Variants in CSGALNACT1 observed in about 807,000 individuals in gnomAD.
CSGALNACT1 encodes beta4GalNAcT-1.
A neutral mutation model predicts 51.0 loss-of-function variants in CSGALNACT1; 52 were observed. The observed-to-expected ratio is 1.02, with a 90% CI of 0.82 to 1.29. The LOEUF (loss-of-function observed/expected upper bound fraction) is 1.29, where lower values mean the gene tolerates loss of function less well. Among genes scored for constraint, CSGALNACT1 ranks in the 50% most tolerant of loss-of-function variants. CSGALNACT1 has a pLI of 0.00. For synonymous variants in CSGALNACT1, 341 were observed against 254.4 expected (o/e 1.34, Z -3.24); for missense variants, 935 against 679.2 (o/e 1.38, Z -4.19).
intron 6 of CSGALNACT1, among the ~76,000 whole-genome samples, chr8:19,425,980 C>T (rs1563331394): frequency 6.6e-6 from 1 of 152,218 alleles, no homozygotes; most frequent in Non-Finnish European, 1.5e-5. Flanking sequence ...CTCTGTCCCT[C>T]TGTGTCCTGG....
chr8:19,692,478 A>C (rs2061383338), intron 1 of CSGALNACT1, among the ~76,000 whole-genome samples: 1 of 152,150 alleles, frequency 6.6e-6, no homozygotes, highest in African/African-American at 2.4e-5. Context: ...GGTAAGGGAG[A>C]TAGATGGTGA....
chr8:19,468,281 C>T (rs866936849), intron 4 of CSGALNACT1, among the ~76,000 whole-genome samples: 1 of 152,082 alleles, frequency 6.6e-6, no homozygotes, highest in East Asian at 1.9e-4. Context: ...TAAGAAAAAC[C>T]AGCTTGTTAT....
intron 8 of CSGALNACT1, among the ~76,000 whole-genome samples, chr8:19,410,299 A>G (rs542001877): frequency 2.0e-5 from 3 of 152,312 alleles, no homozygotes; most frequent in Non-Finnish European, 2.9e-5. Context: ...ATTAGTATCA[A>G]CTGGAAAGAT....
chr8:19,733,894 T>G (rs537918968), intron 1 of CSGALNACT1, among the ~76,000 whole-genome samples: 1 of 152,230 alleles, frequency 6.6e-6, no homozygotes, highest in South Asian at 2.1e-4. Flanking sequence ...ACAGCTTATC[T>G]CCAGCTTAGA....
chr8:19,717,717 T>C (rs1351567968), intron 1 of CSGALNACT1, among the ~76,000 whole-genome samples: 1 of 152,188 alleles, frequency 6.6e-6, no homozygotes, highest in Non-Finnish European at 1.5e-5. Context: ...AGCTTGGTTG[T>C]CCAGTGACTG....
chr8:19,482,633 A>T (rs1318389123), intron 4 of CSGALNACT1, among the ~76,000 whole-genome samples: 1 of 152,108 alleles, frequency 6.6e-6, no homozygotes, highest in South Asian at 2.1e-4. Context: ...CTGTTCCTTT[A>T]TAATTTCCAT....
intron 1 of CSGALNACT1, among the ~76,000 whole-genome samples, chr8:19,671,927 T>A (rs917693871): frequency 1.3e-5 from 2 of 152,252 alleles, no homozygotes; most frequent in Non-Finnish European, 2.9e-5. Context: ...CTCATGAATG[T>A]ACCACATATG....
At chr8:19,424,557 G>T (rs1163455647) in intron 6 of CSGALNACT1, among the ~76,000 whole-genome samples, 1 of 152,186 alleles carries the variant, frequency 6.6e-6, no homozygotes, top group Non-Finnish European at 1.5e-5. Flanking sequence ...TAGAAGTGGG[G>T]CAGCCTCCTC....
chr8:19,700,022 G>C (rs1045156120), intron 1 of CSGALNACT1, among the ~76,000 whole-genome samples: 1 of 149,696 alleles, frequency 6.7e-6, no homozygotes. Flanking sequence ...TGAGGCAGGA[G>C]AATCACTTGA....
At chr8:19,406,139 C>G in intron 9 of CSGALNACT1, 70 bp from the exon 9 acceptor site, 1 of 1,573,322 alleles carries the variant, frequency 6.4e-7, no homozygotes, top group East Asian at 2.2e-5. Flanking sequence ...TTGCAACAAG[C>G]ACAAACTTTT....
intron 1 of CSGALNACT1, among the ~76,000 whole-genome samples, chr8:19,674,043 T>C (rs2059987503): frequency 6.6e-6 from 1 of 152,186 alleles, no homozygotes; most frequent in Non-Finnish European, 1.5e-5. Flanking sequence ...ATCCCAACAC[T>C]TTGGGAGGCC....
intron 1 of CSGALNACT1, among the ~76,000 whole-genome samples, chr8:19,631,940 A>G (rs1050524557): frequency 2.0e-5 from 3 of 152,190 alleles, no homozygotes; most frequent in African/African-American, 7.2e-5. Flanking sequence ...CACATTTTTT[A>G]TGCAATCTGG....
chr8:19,567,561 C>A (rs77223539), intron 3 of CSGALNACT1, among the ~76,000 whole-genome samples: 27 of 152,080 alleles, frequency 1.8e-4, no homozygotes, highest in Non-Finnish European at 1.2e-4. Context: ...TCTTCTTTTG[C>A]GATCTGGATT....
At chr8:19,635,728 C>T (rs2055955168) in intron 1 of CSGALNACT1, among the ~76,000 whole-genome samples, 1 of 152,096 alleles carries the variant, frequency 6.6e-6, no homozygotes, top group African/African-American at 2.4e-5. Flanking sequence ...CCCTTTTCAG[C>T]TTTTCGTTTT....
intron 2 of CSGALNACT1, among the ~76,000 whole-genome samples, chr8:19,593,785 A>T (rs2048326953): frequency 6.6e-6 from 1 of 152,192 alleles, no homozygotes; most frequent in Non-Finnish European, 1.5e-5. Context: ...ATTCTGCTCA[A>T]GCATCACTTT....
intron 3 of CSGALNACT1, among the ~76,000 whole-genome samples, chr8:19,517,823 G>A (rs1267036588): frequency 6.6e-6 from 1 of 152,076 alleles, no homozygotes; most frequent in Non-Finnish European, 1.5e-5. Flanking sequence ...ACAACATGTG[G>A]GAATTATAGG....
chr8:19,595,187 G>C (rs375989222), intron 2 of CSGALNACT1, among the ~76,000 whole-genome samples: 17 of 151,966 alleles, frequency 1.1e-4, no homozygotes, highest in African/African-American at 3.9e-4. Context: ...CATTAATTTT[G>C]TTAACCATCC....
intron 8 of CSGALNACT1, among the ~76,000 whole-genome samples, chr8:19,417,298 C>G (rs908231326): frequency 2.0e-5 from 3 of 152,102 alleles, no homozygotes; most frequent in African/African-American, 7.2e-5. Context: ...TATTAGTAAA[C>G]CTGGTGCACC....
chr8:19,616,262 T>G (rs2052992941), intron 1 of CSGALNACT1, among the ~76,000 whole-genome samples: 1 of 152,192 alleles, frequency 6.6e-6, no homozygotes, highest in African/African-American at 2.4e-5. Flanking sequence ...ATGCTACTTG[T>G]TGCTATTTTT....
Sources: allele counts gnomAD v4.1 joint callset (sites outside exome capture counted in the v4.1 genomes callset), GRCh38; gene constraint gnomAD v4.1.1; transcripts MANE v1.5; gene names NCBI Gene and HGNC (gene_info 2026-07-23, HGNC 2026-07-21).